Variants in DHX30 observed in about 807,000 individuals in gnomAD.
DHX30 encodes the protein ATP-dependent RNA helicase DHX30.
DHX30 carries 4 observed loss-of-function variants against 116.9 expected under a neutral mutation model. The observed-to-expected ratio is 0.03, with a 90% CI of 0.02 to 0.08. DHX30 has a LOEUF of 0.08. Among genes scored for constraint, DHX30 ranks in the 10% least tolerant of loss-of-function variants. The pLI is 1.00. For missense variants in DHX30, 871 were observed against 1,595.1 expected, an observed-to-expected ratio of 0.55 and a Z score of 7.73; for synonymous variants, 697 against 651.7, an observed-to-expected ratio of 1.07 and a Z score of -1.06.
intron 6 of DHX30, among the ~76,000 whole-genome samples, chr3:47,836,177 G>A (rs898706231): frequency 6.6e-6 from 1 of 152,144 alleles, no homozygotes; most frequent in Admixed American, 6.5e-5. Context: ...GAGTGCAATG[G>A]TGCAATGGCG....
intron 6 of DHX30, among the ~76,000 whole-genome samples, chr3:47,840,293 G>A (rs181450613): frequency 2.0e-5 from 3 of 149,578 alleles, no homozygotes; most frequent in Non-Finnish European, 3.0e-5. Flanking sequence ...CACCGCACCC[G>A]GCCCTACGTA....
intron 4 of DHX30, among the ~76,000 whole-genome samples, chr3:47,819,564 T>C (rs1030270399): frequency 1.3e-5 from 2 of 152,204 alleles, no homozygotes; most frequent in Non-Finnish European, 2.9e-5. Flanking sequence ...CCTCTTGGCC[T>C]GCGGATAGCG....
Position 47,845,754 on chromosome 3 carries a change from C to G in DHX30, c.994C>G (p.Leu332Val). 1 of 1,612,800 alleles carries G rather than the reference C, an allele frequency of 6.2e-7. No homozygotes were observed. Among genetic ancestry groups the G allele is most frequent in the Non-Finnish European group, 8.5e-7 (1 of 1,178,848 alleles). ...ACCGCTTACACACGCCATGTATAACCTGGCCTCTTTGCGTGAGCTGGGTGA... is the reference window on the plus strand; with the variant it reads ...ACCGCTTACACACGCCATGTATAACGTGGCCTCTTTGCGTGAGCTGGGTGA... ...NEPLTHAMYN[L>V]ASLRELGETQ... Residue 332 changes from leucine to valine, a missense_variant, in exon 10 of 22, where the codon CTG becomes GTG. By Grantham distance (32) the Leu-to-Val change is conservative (BLOSUM62 1). Around this residue, in one of 13 missense-constraint regions of DHX30, gnomAD observed 175 missense variants for 292.9 expected, o/e 0.60. Coordinates refer to ENST00000445061, the MANE Select transcript of DHX30 (RefSeq NM_138615.3).
chr3:47,841,584 G>T (rs757356747), intron 7 of DHX30, 33 bp from the exon 8 acceptor site: 1 of 1,613,978 alleles, frequency 6.2e-7, no homozygotes, highest in Non-Finnish European at 8.5e-7. Flanking sequence ...CAGGAAGAGA[G>T]AATTCTTTCA....
At chr3:47,825,206 C>A (rs1219795726) in intron 4 of DHX30, 1 of 647,936 alleles carries the variant, frequency 1.5e-6, no homozygotes, top group Non-Finnish European at 2.8e-6. Flanking sequence ...TCAGGGATGG[C>A]CCCCGGCGGG....
rs1459580839 is a variant in DHX30, at chr3:47,848,019, C to G, written c.2286+63C>G. ...GAGGGACTCCGTTTTGAGGTGGTCC[C>G]CAGCCCAGATCTACCTTAGACCTGC... On this transcript the variant is annotated intron_variant, in intron 14 of 21. Coordinates refer to ENST00000445061, the MANE Select transcript of DHX30 (RefSeq NM_138615.3). The surrounding 1 kb of genome is among the most constrained non-coding windows in gnomAD (Gnocchi z 9.4). The G allele has an allele frequency of 3.7e-6, 6 of 1,600,710 alleles. No homozygotes were observed. In the African/African-American group the frequency reaches 8.0e-5, roughly 21 times the overall value.
At chr3:47,839,945 G>C (rs142643832) in intron 6 of DHX30, among the ~76,000 whole-genome samples, 2,949 of 152,152 alleles carry the variant, frequency 0.019, 37 homozygotes, top group Non-Finnish European at 0.029. Context: ...AGAGTTCTGG[G>C]ATTACAGGTG....
At chr3:47,816,211 A>T (rs2036043916) in intron 3 of DHX30, 1 of 982,846 alleles carries the variant, frequency 1.0e-6, no homozygotes, top group Non-Finnish European at 1.2e-6. Context: ...AGCTTATGGG[A>T]AAAATAGAAT....
At chr3:47,831,930 C>CTTTTT (rs147733795) in intron 6 of DHX30, among the ~76,000 whole-genome samples, 5 of 127,482 alleles carry the variant, frequency 3.9e-5, no homozygotes, top group Admixed American at 8.5e-5. Flanking sequence ...TTTCCTTTTT[C>CTTTTT]TTTTTTTTTT....
At chr3:47,826,696 C>T (rs2036569997) in intron 4 of DHX30, among the ~76,000 whole-genome samples, 1 of 147,016 alleles carries the variant, frequency 6.8e-6, no homozygotes, top group Admixed American at 6.6e-5. Flanking sequence ...TTGTGATCCA[C>T]CCGCCTTGGC....
chr3:47,834,925 G>A (rs1269078512), intron 6 of DHX30, among the ~76,000 whole-genome samples: 3 of 151,878 alleles, frequency 2.0e-5, no homozygotes, highest in Admixed American at 6.6e-5. Context: ...ATTCCCTTTG[G>A]GTATATACCC....
chr3:47,809,611 C>G (rs964590659), intron 2 of DHX30, among the ~76,000 whole-genome samples: 1 of 152,064 alleles, frequency 6.6e-6, no homozygotes, highest in Non-Finnish European at 1.5e-5. Flanking sequence ...CTGTGATATA[C>G]CATATCCTAT....
intron 4 of DHX30, 121 bp from the exon 5 acceptor site, chr3:47,827,226 G>C: frequency 2.2e-6 from 2 of 929,534 alleles, no homozygotes; most frequent in Non-Finnish European, 3.1e-6. Context: ...GATGCTCCTG[G>C]GTGGTTTGGG....
chr3:47,837,346 T>G (rs2037169534), intron 6 of DHX30, among the ~76,000 whole-genome samples: 1 of 152,186 alleles, frequency 6.6e-6, no homozygotes, highest in Non-Finnish European at 1.5e-5. Flanking sequence ...CTAGTGGTAA[T>G]TGATAGAATG....
At chr3:47,844,642 CTTCT>C (rs1354098279) in intron 9 of DHX30, among the ~76,000 whole-genome samples, 1 of 152,196 alleles carries the variant, frequency 6.6e-6, no homozygotes, top group Admixed American at 6.5e-5. Context: ...TGGGGGAAGA[CTTCT>C]TTAAGGAGGG....
intron 9 of DHX30, among the ~76,000 whole-genome samples, chr3:47,844,891 TG>T (rs1226055349): frequency 6.6e-6 from 1 of 152,106 alleles, no homozygotes; most frequent in Non-Finnish European, 1.5e-5. Context: ...CTGTATATGA[TG>T]GGGTCACAGA....
chr3:47,804,725 T>A (rs1258582244), intron 1 of DHX30, among the ~76,000 whole-genome samples: 1 of 152,144 alleles, frequency 6.6e-6, no homozygotes, highest in Non-Finnish European at 1.5e-5. Context: ...AGTATAAGCA[T>A]GGAGGGTTTT....
intron 4 of DHX30, among the ~76,000 whole-genome samples, chr3:47,827,087 A>G (rs2036585517): frequency 6.6e-6 from 1 of 152,174 alleles, no homozygotes; most frequent in Non-Finnish European, 1.5e-5. Context: ...TGGGCGGAGA[A>G]GAGGATGCTG....
At chr3:47,833,970 A>G (rs978775776) in intron 6 of DHX30, among the ~76,000 whole-genome samples, 2 of 152,156 alleles carry the variant, frequency 1.3e-5, no homozygotes, top group East Asian at 1.9e-4. Context: ...CTTCTTATAT[A>G]TATGTAACTT....
Sources: allele counts gnomAD v4.1 joint callset (sites outside exome capture counted in the v4.1 genomes callset), GRCh38; gene constraint gnomAD v4.1.1; regional missense constraint gnomAD v4.1.1; non-coding constraint Gnocchi (gnomAD v3.1); transcripts MANE v1.5; gene names NCBI Gene and HGNC (gene_info 2026-07-23, HGNC 2026-07-21).